Variants in TNRC6B observed in about 807,000 individuals in gnomAD.
TNRC6B encodes the protein trinucleotide repeat-containing gene 6B protein.
A neutral mutation model predicts 203.6 loss-of-function variants in TNRC6B; 52 were observed. The ratio of observed to expected loss-of-function variants is 0.26; its 90% CI spans 0.20 to 0.32. TNRC6B has a LOEUF of 0.32. Among genes scored for constraint, TNRC6B ranks in the 10% least tolerant of loss-of-function variants. The pLI is 1.00. For missense variants in TNRC6B, 1,923 were observed against 2,286.2 expected, an observed-to-expected ratio of 0.84 and a Z score of 3.24; for synonymous variants, 838 against 845.7, an observed-to-expected ratio of 0.99 and a Z score of 0.16.
At position 40,325,034 on chromosome 22, in the gene TNRC6B, G is replaced by C. The variant is rs948455947; in HGVS notation, c.*1793G>C. On this transcript the variant is annotated 3_prime_UTR_variant, in exon 23 of 23. Coordinates refer to ENST00000454349, the MANE Select transcript of TNRC6B (RefSeq NM_001162501.2). ...CTGAAGGGGGCGAAAAACCAGATAGGGTGGGGGGATGGATGCCGGTGACGT... is the reference window on the plus strand; with the variant it reads ...CTGAAGGGGGCGAAAAACCAGATAGCGTGGGGGGATGGATGCCGGTGACGT... 6.6e-6 allele frequency: 1 copy of C among 152,544 alleles called. No individual in the cohort carries two copies. The highest frequency in any genetic ancestry group is 2.4e-5 in the African/African-American group (1 of 41,388). The allele number at this position is 152,544 out of a possible 1,614,324, so 9.4% of individuals were successfully genotyped here. A position where few individuals can be genotyped will look rare whatever the true frequency, so the allele number is the denominator to read the frequency against.
intron 1 of TNRC6B, among the ~76,000 whole-genome samples, chr22:40,076,890 G>A (rs1482620556): frequency 6.6e-6 from 1 of 151,928 alleles, no homozygotes; most frequent in Non-Finnish European, 1.5e-5. Flanking sequence ...CTGGGTGCGG[G>A]GGTGTGCACC....
chr22:40,160,300 A>G (rs970430259), intron 4 of TNRC6B, among the ~76,000 whole-genome samples: 1 of 152,188 alleles, frequency 6.6e-6, no homozygotes, highest in East Asian at 1.9e-4. Flanking sequence ...AACATGGAGA[A>G]ACCCCGTCTC....
chr22:40,126,572 GTTAT>G (rs1029643376), intron 3 of TNRC6B, among the ~76,000 whole-genome samples: 1 of 130,220 alleles, frequency 7.7e-6, no homozygotes, highest in Non-Finnish European at 1.6e-5. Flanking sequence ...TACAAAGGAC[GTTAT>G]TTAATTTTTT....
intron 3 of TNRC6B, among the ~76,000 whole-genome samples, chr22:40,260,552 G>A (rs1003126130): frequency 3.3e-5 from 5 of 152,162 alleles, no homozygotes; most frequent in Non-Finnish European, 7.4e-5. Context: ...AGAGAGAGAT[G>A]GATGATGTGT....
At chr22:40,058,412 A>G (rs895963316) in intron 1 of TNRC6B, among the ~76,000 whole-genome samples, 1 of 118,308 alleles carries the variant, frequency 8.5e-6, no homozygotes, top group Non-Finnish European at 1.7e-5. Context: ...GCTTTAGCAC[A>G]ATGTGCTTTA....
chr22:40,112,427 C>T (rs1165780049), intron 1 of TNRC6B, among the ~76,000 whole-genome samples: 2 of 152,170 alleles, frequency 1.3e-5, no homozygotes, highest in Non-Finnish European at 2.9e-5. Flanking sequence ...CAGCTTTTCA[C>T]CGTCTCACCC....
intron 15 of TNRC6B, among the ~76,000 whole-genome samples, chr22:40,302,822 G>T (rs1275931622): frequency 6.6e-6 from 1 of 152,078 alleles, no homozygotes; most frequent in African/African-American, 2.4e-5. Context: ...GAATTACTTT[G>T]TAGATCCTTA....
At chr22:40,077,181 C>G (rs2068023474) in intron 1 of TNRC6B, among the ~76,000 whole-genome samples, 1 of 152,096 alleles carries the variant, frequency 6.6e-6, no homozygotes, top group Admixed American at 6.5e-5. Context: ...TCCTCAACCC[C>G]TACAAACCCT....
intron 21 of TNRC6B, among the ~76,000 whole-genome samples, chr22:40,316,542 C>T (rs768176339): frequency 1.4e-4 from 21 of 152,052 alleles, no homozygotes; most frequent in South Asian, 6.2e-4. Flanking sequence ...CACAGCTGCT[C>T]AGGAGGCTGA....
Position 40,262,141 on chromosome 22 carries a change from C to T in TNRC6B, c.425C>T (p.Ala142Val), listed in dbSNP as rs199636556. The change falls in exon 4 of 23, where the codon GCG becomes GTG. Residue 142 changes from alanine (A) to valine (V), a missense_variant. Transcript: ENST00000454349. ...ANPNNAQVTGALLQSESGTAP... is the reference protein window; with the variant it reads ...ANPNNAQVTGVLLQSESGTAP... ...CCAAACAACGCACAAGTGACAGGAG[C>T]GCTGCTGCAGAGTGAGAGTGGGACT... 299 of 1,477,432 alleles carry T rather than the reference C, an allele frequency of 2.0e-4. No homozygotes were observed. The African/African-American group carries it at 3.8e-3, about 19-fold the overall frequency. 91.5% of individuals were successfully genotyped at this position (1,477,432 alleles called of 1,614,324 possible). A position where few individuals can be genotyped will look rare whatever the true frequency, so the allele number is the denominator to read the frequency against.
chr22:40,255,893 C>T (rs556658843), intron 3 of TNRC6B, among the ~76,000 whole-genome samples: 6 of 152,214 alleles, frequency 3.9e-5, no homozygotes, highest in African/African-American at 1.2e-4. Flanking sequence ...TGCTCTGTTG[C>T]CCCAGCTGGA....
chr22:40,267,020 C>A lies in TNRC6B; in HGVS notation c.2790C>A (p.Thr930=). ...AACCAAACCTGCCCACCCCAATGACCAGTAAATCGGCATCAGGTAAGCAGT... is the reference window on the plus strand; with the variant it reads ...AACCAAACCTGCCCACCCCAATGACAAGTAAATCGGCATCAGGTAAGCAGT... ...PREPNLPTPM[T]SKSASVWSKS... is the part of the protein sequence containing the mutation. The change falls in exon 5 of 23, where the codon ACC becomes ACA. Residue 930 remains threonine, a synonymous_variant. Transcript: ENST00000454349. The A allele has an allele frequency of 6.3e-7, 1 of 1,599,434 alleles. No homozygotes were observed. The highest frequency in any genetic ancestry group is 8.5e-7 in the Non-Finnish European group (1 of 1,172,444).
At chr22:40,303,438 G>A (rs2071051763) in intron 15 of TNRC6B, among the ~76,000 whole-genome samples, 1 of 152,094 alleles carries the variant, frequency 6.6e-6, no homozygotes, top group Admixed American at 6.5e-5. Flanking sequence ...TAAGTAACTT[G>A]TAAATTTAGC....
chr22:40,328,125 C>A lies in TNRC6B; in HGVS notation c.*4884C>A, dbSNP rs1415654744. 6.6e-6 allele frequency: 1 copy of A among 152,192 alleles called. No individual in the cohort carries two copies. Among genetic ancestry groups the A allele is most frequent in the East Asian group, 1.9e-4 (1 of 5,200 alleles). The allele number at this position is 152,192 out of a possible 1,614,324, so 9.4% of individuals were successfully genotyped here. A position where few individuals can be genotyped will look rare whatever the true frequency, so the allele number is the denominator to read the frequency against. On this transcript the variant is annotated 3_prime_UTR_variant, in exon 23 of 23. Transcript: ENST00000454349. ...CATGTAACATCTCTGATCCCTCAGT[C>A]CCCAACCCTGGACGTGTTTCATTTA...
At chr22:40,082,615 G>A (rs2068071016) in intron 1 of TNRC6B, among the ~76,000 whole-genome samples, 1 of 152,200 alleles carries the variant, frequency 6.6e-6, no homozygotes, top group African/African-American at 2.4e-5. Flanking sequence ...CATTTTTACA[G>A]GTATGTATCC....
chr22:40,064,162 A>G (rs2146274200), intron 1 of TNRC6B, among the ~76,000 whole-genome samples: 1 of 152,118 alleles, frequency 6.6e-6, no homozygotes, highest in African/African-American at 2.4e-5. Context: ...ATTCCTTAGG[A>G]TTTTCTTTAT....
intron 15 of TNRC6B, among the ~76,000 whole-genome samples, chr22:40,305,609 T>A (rs2071078850): frequency 6.6e-6 from 1 of 152,214 alleles, no homozygotes. Flanking sequence ...GAAAATTATG[T>A]CCGTCTTCGC....
chr22:40,117,462 T>G (rs2068399367), intron 2 of TNRC6B, among the ~76,000 whole-genome samples: 1 of 151,980 alleles, frequency 6.6e-6, no homozygotes, highest in Non-Finnish European at 1.5e-5. Context: ...CTGCCAGGGT[T>G]CACTTTCTGA....
chr22:40,203,073 A>T (rs1474173897), intron 1 of TNRC6B, among the ~76,000 whole-genome samples: 1 of 152,146 alleles, frequency 6.6e-6, no homozygotes, highest in Non-Finnish European at 1.5e-5. Context: ...GCAGGTTTCA[A>T]AAAATGCTGG....
Sources: allele counts gnomAD v4.1 joint callset (sites outside exome capture counted in the v4.1 genomes callset), GRCh38; gene constraint gnomAD v4.1.1; transcripts MANE v1.5; gene names NCBI Gene and HGNC (gene_info 2026-07-23, HGNC 2026-07-21).